Variants in GRIK2 observed in about 807,000 individuals in gnomAD.
The protein encoded by GRIK2 is glutamate ionotropic receptor kainate type subunit 2.
In GRIK2, 32 loss-of-function variants were observed where a neutral mutation model predicts 100.3. That is an observed-to-expected ratio of 0.32 (90% confidence interval 0.24 to 0.43). GRIK2 has a LOEUF of 0.43. Ranked by LOEUF, GRIK2 falls within the 20% of genes least tolerant of loss-of-function variation. GRIK2 has a pLI of 1.00. For missense variants in GRIK2, 843 were observed against 1,114.9 expected (o/e 0.76, Z 3.47); for synonymous variants, 417 against 389.4 (o/e 1.07, Z -0.83).
chr6:101,808,708 C>T (rs887492805), intron 9 of GRIK2, among the ~76,000 whole-genome samples: 1 of 151,778 alleles, frequency 6.6e-6, no homozygotes, highest in African/African-American at 2.4e-5. Flanking sequence ...CAGATAGGCT[C>T]TAATAAACCA....
intron 7 of GRIK2, among the ~76,000 whole-genome samples, chr6:101,726,498 A>T (rs748769013): frequency 6.6e-6 from 1 of 152,042 alleles, no homozygotes; most frequent in Non-Finnish European, 1.5e-5. Flanking sequence ...TTGGGACAGC[A>T]ATGAGCATAA....
intron 5 of GRIK2, 51 bp downstream of exon 5, chr6:101,676,855 C>A: frequency 9.9e-7 from 1 of 1,007,374 alleles, no homozygotes; most frequent in African/African-American, 1.7e-5. Flanking sequence ...CTTGCACTTA[C>A]AATATGATCT....
At chr6:101,623,581 G>C (rs962985757) in intron 3 of GRIK2, among the ~76,000 whole-genome samples, 2 of 152,038 alleles carry the variant, frequency 1.3e-5, no homozygotes, top group African/African-American at 4.8e-5. Context: ...TTTCTTAATG[G>C]TGATTTCAAA....
At chr6:102,011,373 A>C (rs1392233554) in intron 14 of GRIK2, among the ~76,000 whole-genome samples, 1 of 152,006 alleles carries the variant, frequency 6.6e-6, no homozygotes, top group Non-Finnish European at 1.5e-5. Context: ...TGATCTCTCC[A>C]TTTTTAAAAT....
At chr6:101,763,449 G>A (rs902776944) in intron 7 of GRIK2, among the ~76,000 whole-genome samples, 1 of 152,170 alleles carries the variant, frequency 6.6e-6, no homozygotes, top group African/African-American at 2.4e-5. Flanking sequence ...GAATGTCTAT[G>A]TCTCCCAGAA....
chr6:101,606,070 G>T (rs1248319842), intron 2 of GRIK2, among the ~76,000 whole-genome samples: 2 of 151,894 alleles, frequency 1.3e-5, no homozygotes, highest in African/African-American at 4.8e-5. Context: ...GTGGAAATTT[G>T]ATCACAGATG....
In GRIK2 at chr6:101,572,811, GTTTATTATTTAT is replaced by G. The variant is rs752538651; in HGVS notation, c.116-49135_116-49124del. Among the ~76,000 whole-genome samples, 160 of 106,988 alleles carry G rather than the reference GTTTATTATTTAT, an allele frequency of 1.5e-3. 1 individual carries two copies. Among genetic ancestry groups the G allele is most frequent in the African/African-American group, 4.8e-3 (154 of 32,236 alleles). The allele number at this position is 106,988 out of a possible 152,430, so 70.2% of individuals were successfully genotyped here. Reference sequence around the variant, plus strand: ...GTGTTTTGTTGTTGTTGTTATTGTTGTTTATTATTTATTTATTTATTTATTTATTTATTTATT... The same window carrying G: ...GTGTTTTGTTGTTGTTGTTATTGTTGTTATTTATTTATTTATTTATTTATT... On this transcript the variant is annotated intron_variant, in intron 2 of 16. Coordinates refer to ENST00000369134, the MANE Select transcript of GRIK2 (RefSeq NM_021956.5).
chr6:101,948,046 C>G (rs1315616241), intron 14 of GRIK2, among the ~76,000 whole-genome samples: 2 of 152,146 alleles, frequency 1.3e-5, no homozygotes, highest in Non-Finnish European at 2.9e-5. Context: ...AAAATGGCCT[C>G]TAATCTCAGT....
intron 2 of GRIK2, among the ~76,000 whole-genome samples, chr6:101,408,801 T>C (rs1290422147): frequency 2.0e-5 from 3 of 151,982 alleles, no homozygotes; most frequent in African/African-American, 4.8e-5. Flanking sequence ...ACCCAAATTG[T>C]TTGACCAAAT....
intron 7 of GRIK2, among the ~76,000 whole-genome samples, chr6:101,791,058 T>C (rs771417698): frequency 0.011 from 1,687 of 152,058 alleles, 21 homozygotes; most frequent in Non-Finnish European, 0.015. Context: ...GTGATATCCC[T>C]TTTATCATTT....
At chr6:101,885,600 C>A (rs1351853298) in intron 11 of GRIK2, among the ~76,000 whole-genome samples, 1 of 152,104 alleles carries the variant, frequency 6.6e-6, no homozygotes, top group Non-Finnish European at 1.5e-5. Flanking sequence ...ATAATAGACA[C>A]ATTAATGCTA....
chr6:101,837,861 C>T lies in GRIK2; in HGVS notation c.1317+19378C>T, dbSNP rs117657151. On this transcript the variant is annotated intron_variant, in intron 10 of 16. Coordinates refer to ENST00000369134, the MANE Select transcript of GRIK2 (RefSeq NM_021956.5). ...CTGGTTAATCAAGGATTATTGGTTT[C>T]CTGGGGCCTTATATTTAGTGTCAAT... Among the ~76,000 whole-genome samples, 27 of 152,124 alleles carry T rather than the reference C, an allele frequency of 1.8e-4. No individual in the cohort carries two copies. In the East Asian group the frequency reaches 5.2e-3, roughly 29 times the overall value.
chr6:101,558,730 C>T (rs1271102334), intron 2 of GRIK2, among the ~76,000 whole-genome samples: 1 of 143,136 alleles, frequency 7.0e-6, no homozygotes, highest in Non-Finnish European at 1.5e-5. Context: ...AACATTTCTT[C>T]TTTCATGTGA....
At chr6:101,881,424 G>A (rs1048209531) in intron 11 of GRIK2, among the ~76,000 whole-genome samples, 1 of 151,670 alleles carries the variant, frequency 6.6e-6, no homozygotes, top group African/African-American at 2.4e-5. Context: ...GTTTAGTGCA[G>A]CACTATGCTC....
chr6:101,513,167 C>T (rs1774406458), intron 2 of GRIK2, among the ~76,000 whole-genome samples: 1 of 152,020 alleles, frequency 6.6e-6, no homozygotes, highest in African/African-American at 2.4e-5. Flanking sequence ...AGACATCAAT[C>T]AAATACATTT....
chr6:101,873,599 G>C (rs1785585956), intron 11 of GRIK2, among the ~76,000 whole-genome samples: 1 of 151,888 alleles, frequency 6.6e-6, no homozygotes, highest in Admixed American at 6.6e-5. Flanking sequence ...ATAATCCTTT[G>C]GGTATATACC....
chr6:101,483,072 A>G (rs190768959), intron 2 of GRIK2, among the ~76,000 whole-genome samples: 2 of 152,350 alleles, frequency 1.3e-5, no homozygotes, highest in Admixed American at 1.3e-4. Flanking sequence ...CTTTACAAAT[A>G]CATAGCAACA....
intron 2 of GRIK2, among the ~76,000 whole-genome samples, chr6:101,411,609 G>A (rs902385608): frequency 1.1e-4 from 16 of 151,970 alleles, no homozygotes; most frequent in African/African-American, 2.9e-4. Context: ...AATGAGCAGC[G>A]GCATCAGCTT....
chr6:101,517,815 C>G (rs1774662386), intron 2 of GRIK2, among the ~76,000 whole-genome samples: 1 of 152,024 alleles, frequency 6.6e-6, no homozygotes, highest in South Asian at 2.1e-4. Context: ...GTTCCTCAAG[C>G]AATATTTGGC....
Sources: gnomAD v4.1 joint callset for allele counts (sites outside exome capture counted in the v4.1 genomes callset) on GRCh38, gnomAD v4.1.1 for gene constraint, MANE v1.5 for transcripts, NCBI Gene and HGNC (gene_info 2026-07-23, HGNC 2026-07-21) for gene names.